Variants in ATXN7 observed in about 807,000 individuals in gnomAD.
ATXN7 encodes the protein ataxin-7.
ATXN7 carries 12 observed loss-of-function variants against 70.5 expected under a neutral mutation model. The ratio of observed to expected loss-of-function variants is 0.17; its 90% CI spans 0.11 to 0.28. The LOEUF is 0.28. ATXN7 is among the 10% of genes least tolerant of loss of function. The pLI is 1.00. For synonymous variants in ATXN7, 498 were observed against 448.7 expected, an observed-to-expected ratio of 1.11 and a Z score of -1.39; for missense variants, 1,256 against 1,131.7, an observed-to-expected ratio of 1.11 and a Z score of -1.58.
chr3:63,986,914 TATAAA>T (rs2075586768), intron 8 of ATXN7, among the ~76,000 whole-genome samples: 2 of 152,200 alleles, frequency 1.3e-5, no homozygotes, highest in Non-Finnish European at 2.9e-5. Context: ...TATTTTGTAA[TATAAA>T]AGAAGGAAAC....
rs765271901 is a variant in ATXN7 at position 63,996,230 on chromosome 3, C to T, written c.2408C>T (p.Ser803Phe). The T allele has an allele frequency of 2.5e-6, 4 of 1,614,060 alleles. No homozygotes were observed. The highest frequency in any genetic ancestry group is 3.4e-6 in the Non-Finnish European group (4 of 1,180,034). The change falls in exon 12 of 13, where the codon TCT becomes TTT. Residue 803 changes from serine (S) to phenylalanine (F), a missense_variant. Ser to Phe is a radical substitution (Grantham distance 155). Coordinates refer to ENST00000674280, the MANE Select transcript of ATXN7 (RefSeq NM_001377405.1). ...GTGAACAGCAGTGATTCTACTCTTT[C>T]TCTTGGGCCATTCATTCACCAGTCC... ...VMVNSSDSTL[S>F]LGPFIHQSNE...
intron 4 of ATXN7, among the ~76,000 whole-genome samples, chr3:63,939,896 C>T (rs2074726179): frequency 6.6e-6 from 1 of 151,990 alleles, no homozygotes; most frequent in African/African-American, 2.4e-5. Flanking sequence ...CCTGAAAAGC[C>T]CCATTCTCAG....
chr3:63,967,976 G>C (rs1478340566), intron 5 of ATXN7: 2 of 1,535,344 alleles, frequency 1.3e-6, no homozygotes, highest in East Asian at 2.4e-5. Context: ...GCTCCACTGG[G>C]TAAGTTTTCT....
At chr3:63,879,119 C>T (rs1273300824) in intron 1 of ATXN7, among the ~76,000 whole-genome samples, 1 of 152,164 alleles carries the variant, frequency 6.6e-6, no homozygotes, top group Non-Finnish European at 1.5e-5. Context: ...TCATCATCCT[C>T]ATCTCCTGAA....
At position 63,990,323 on chromosome 3, in the gene ATXN7, T is replaced by A. The variant is rs754501847; in HGVS notation, c.1509T>A (p.Ser503=). ...EEGEGDDKEE[S]VEKLDCHYSG... The stretch of plus-strand genomic sequence containing the variant: ...GCGAAGGCGATGACAAAGAAGAGTC[T>A]GTTGAAAAACTGGACTGTCATTATT... The change falls in exon 10 of 13, where the codon TCT becomes TCA. Residue 503 remains serine (S), a synonymous_variant. Transcript: ENST00000674280. 1.2e-6 allele frequency: 2 copies of A among 1,614,176 alleles called. No homozygotes were observed. The highest frequency in any genetic ancestry group is 2.2e-5 in the South Asian group (2 of 91,082).
At chr3:63,980,461 A>G in intron 6 of ATXN7, 1 of 375,966 alleles carries the variant, frequency 2.7e-6, no homozygotes, top group East Asian at 4.8e-5. Context: ...ACCCTATGGA[A>G]TAGGTACTGT....
chr3:63,876,219 C>T (rs552767589), intron 1 of ATXN7, among the ~76,000 whole-genome samples: 2 of 151,986 alleles, frequency 1.3e-5, no homozygotes, highest in South Asian at 4.2e-4. Flanking sequence ...TTTTCATTTC[C>T]TTATACTTTT....
chr3:63,989,700 T>G (rs1437699605), intron 9 of ATXN7, among the ~76,000 whole-genome samples: 4 of 152,148 alleles, frequency 2.6e-5, no homozygotes, highest in Admixed American at 2.6e-4. Flanking sequence ...ACTACACCAT[T>G]TTATATCAGG....
intron 8 of ATXN7, among the ~76,000 whole-genome samples, chr3:63,985,681 C>A (rs1404335548): frequency 1.3e-5 from 2 of 152,186 alleles, no homozygotes; most frequent in African/African-American, 4.8e-5. Context: ...TTGTCTGTCT[C>A]CCATCCTCAC....
In ATXN7 at chr3:63,988,317, C is replaced by T; in HGVS notation, c.1354C>T (p.Leu452Phe). 1 of 1,614,122 alleles carries T rather than the reference C, an allele frequency of 6.2e-7. No individual in the cohort carries two copies. Residue 452 changes from leucine to phenylalanine, a missense_variant, in exon 9 of 13, where the codon CTT (leucine) becomes TTT (phenylalanine). By Grantham distance (22) the Leu-to-Phe change is conservative (BLOSUM62 0). Transcript: ENST00000674280. The part of the protein sequence containing the change: ...ASKPKPHTPS[L>F]PRPPGCPAQQ... Reference sequence around the variant, plus strand: ...TAAACCTAAACCTCACACCCCCAGTCTTCCAAGGTAAGCCAGGCCCTCCAA... The same window carrying T: ...TAAACCTAAACCTCACACCCCCAGTTTTCCAAGGTAAGCCAGGCCCTCCAA...
rs1260789700 is a variant in ATXN7 at position 63,987,940 on chromosome 3, G to A, written c.1096-119G>A. On this transcript the variant is annotated intron_variant, in intron 8 of 12. Coordinates refer to ENST00000674280, the MANE Select transcript of ATXN7 (RefSeq NM_001377405.1). The stretch of plus-strand genomic sequence containing the variant: ...TTTTTAGCTTATCAAATGCTGAGTA[G>A]CCTTTCACTATGCTTATGGTCTAGA... 7.3e-6 allele frequency: 9 copies of A among 1,240,960 alleles called. No homozygotes were observed. In the Admixed American group the frequency reaches 2.1e-4, roughly 29 times the overall value. 76.9% of individuals were successfully genotyped at this position (1,240,960 alleles called of 1,614,324 possible).
At chr3:63,986,514 T>C (rs1163367093) in intron 8 of ATXN7, among the ~76,000 whole-genome samples, 1 of 152,184 alleles carries the variant, frequency 6.6e-6, no homozygotes, top group Non-Finnish European at 1.5e-5. Context: ...ACCAGTAATA[T>C]TATATGTTCA....
At chr3:63,987,079 T>G (rs2075589866) in intron 8 of ATXN7, among the ~76,000 whole-genome samples, 1 of 152,228 alleles carries the variant, frequency 6.6e-6, no homozygotes, top group Non-Finnish European at 1.5e-5. Context: ...CTTGAGTGAT[T>G]GGACTCAACT....
intron 5 of ATXN7, among the ~76,000 whole-genome samples, chr3:63,978,591 A>G (rs1431535704): frequency 6.6e-6 from 1 of 152,252 alleles, no homozygotes; most frequent in East Asian, 1.9e-4. Context: ...TTCCTTATAC[A>G]CAGCTTTCAT....
In ATXN7 at chr3:64,001,812, G is replaced by A. The variant is rs1464905967; in HGVS notation, c.*2345G>A. Reference sequence around the variant, plus strand: ...ATTTTCTCCTAAACTACTTTTTATGGTGATGAATAATTAAGACCATTTAAA... The same window carrying A: ...ATTTTCTCCTAAACTACTTTTTATGATGATGAATAATTAAGACCATTTAAA... On this transcript the variant is annotated 3_prime_UTR_variant, in exon 13 of 13. Transcript: ENST00000674280. 2.0e-5 allele frequency: 3 copies of A among 152,002 alleles called. No homozygotes were observed. Among genetic ancestry groups the A allele is most frequent in the South Asian group, 2.1e-4 (1 of 4,826 alleles). 9.4% of individuals were successfully genotyped at this position (152,002 alleles called of 1,614,324 possible).
intron 4 of ATXN7, among the ~76,000 whole-genome samples, chr3:63,950,868 G>A (rs975913404): frequency 6.6e-6 from 1 of 152,136 alleles, no homozygotes; most frequent in Non-Finnish European, 1.5e-5. Flanking sequence ...TACCATCAAA[G>A]ATGGTCAGCC....
intron 8 of ATXN7, among the ~76,000 whole-genome samples, chr3:63,983,598 G>A (rs566946804): frequency 7.9e-5 from 12 of 151,870 alleles, no homozygotes; most frequent in East Asian, 1.9e-4. Context: ...AGAACATTAC[G>A]AGACCCATCT....
At chr3:63,903,386 CAAAA>C (rs775558434) in intron 2 of ATXN7, among the ~76,000 whole-genome samples, 726 of 49,536 alleles carry the variant, frequency 0.015, 8 homozygotes, top group African/African-American at 0.05. Flanking sequence ...GACTCCGTCT[CAAAA>C]AAAAAAAAAA....
chr3:63,990,397 C>T (rs764313065), intron 10 of ATXN7, 23 bp downstream of exon 10: 14 of 1,613,242 alleles, frequency 8.7e-6, no homozygotes, highest in East Asian at 4.5e-5. Flanking sequence ...TCCACCCCCG[C>T]GTTGACCCTC....
Sources: gnomAD v4.1 joint callset for allele counts (sites outside exome capture counted in the v4.1 genomes callset) on GRCh38, gnomAD v4.1.1 for gene constraint, MANE v1.5 for transcripts, NCBI Gene and HGNC (gene_info 2026-07-23, HGNC 2026-07-21) for gene names.